The following CDH13 variants were observed in gnomAD, a reference collection of about 807,000 sequenced individuals.
CDH13 encodes the protein cadherin 13.
CDH13 carries 24 observed loss-of-function variants against 63.8 expected under a neutral mutation model. That is an observed-to-expected ratio of 0.38 (90% CI 0.27 to 0.53). The LOEUF (loss-of-function observed/expected upper bound fraction) is 0.53, where lower values mean the gene tolerates loss of function less well. Ranked by LOEUF, CDH13 falls within the 20% of genes least tolerant of loss-of-function variation. CDH13 has a pLI of 0.85. For missense variants in CDH13, 1,049 were observed against 903.1 expected, an observed-to-expected ratio of 1.16 and a Z score of -2.07; for synonymous variants, 503 against 355.3, an observed-to-expected ratio of 1.42 and a Z score of -4.67.
chr16:83,743,209 A>AAAAATAAAAT (rs113675648), intron 10 of CDH13, among the ~76,000 whole-genome samples: 1 of 152,160 alleles, frequency 6.6e-6, no homozygotes, highest in African/African-American at 2.4e-5. Flanking sequence ...CTCCGTCTCA[A>AAAAATAAAAT]AAAATAAAAT....
In CDH13 at chr16:83,232,655, A is replaced by G. The variant is rs557697374; in HGVS notation, c.636+15158A>G. Among the ~76,000 whole-genome samples the G allele has an allele frequency of 8.5e-5, 13 of 152,172 alleles. No individual in the cohort carries two copies. The South Asian group carries it at 2.3e-3, about 27-fold the overall frequency. On this transcript the variant is annotated intron_variant, in intron 5 of 13. Coordinates refer to ENST00000567109, the MANE Select transcript of CDH13 (RefSeq NM_001257.5). ...CCCCTTTGCCTTCCACCATGATTGT[A>G]AGTTTCCTGAGTCCTCCCCAGAAGC...
intron 7 of CDH13, among the ~76,000 whole-genome samples, chr16:83,535,393 G>T (rs1310100121): frequency 6.6e-6 from 1 of 152,222 alleles, no homozygotes; most frequent in Admixed American, 6.5e-5. Flanking sequence ...CATTGTAGAT[G>T]GGCAAAGTAG....
rs1292569327 is a variant in CDH13 at position 83,294,855 on chromosome 16, T to C, written c.637-50007T>C. On this transcript the variant is annotated intron_variant, in intron 5 of 13. Coordinates refer to ENST00000567109, the MANE Select transcript of CDH13 (RefSeq NM_001257.5). ...AATCTATATTAAAATATCAATGACA[T>C]TATTCACAGAACTAGGAAAAATCAT... Among the ~76,000 whole-genome samples, 15 of 152,180 alleles carry C rather than the reference T, an allele frequency of 9.9e-5. No individual in the cohort carries two copies. In the East Asian group the frequency reaches 2.9e-3, roughly 29 times the overall value.
At chr16:82,750,276 C>G (rs1049126744) in intron 1 of CDH13, among the ~76,000 whole-genome samples, 8 of 152,092 alleles carry the variant, frequency 5.3e-5, no homozygotes, top group Non-Finnish European at 1.0e-4. Flanking sequence ...CACATCCTGA[C>G]TAAATGGGTG....
At chr16:82,681,677 C>T (rs1041885537) in intron 1 of CDH13, among the ~76,000 whole-genome samples, 1 of 152,242 alleles carries the variant, frequency 6.6e-6, no homozygotes, top group Non-Finnish European at 1.5e-5. Flanking sequence ...TTTCTGCCAG[C>T]TCAGCTTCCA....
intron 1 of CDH13, among the ~76,000 whole-genome samples, chr16:82,834,556 C>T (rs780440394): frequency 2.6e-5 from 4 of 151,982 alleles, no homozygotes; most frequent in Non-Finnish European, 5.9e-5. Context: ...CCACCCACAG[C>T]CCACAGCCCA....
At chr16:83,542,343 C>T (rs1297148985) in intron 7 of CDH13, among the ~76,000 whole-genome samples, 1 of 152,198 alleles carries the variant, frequency 6.6e-6, no homozygotes, top group African/African-American at 2.4e-5. Flanking sequence ...TGCTCCATCT[C>T]AGTAGTTCTC....
chr16:82,951,468 C>T (rs906594808), intron 2 of CDH13, among the ~76,000 whole-genome samples: 1 of 152,160 alleles, frequency 6.6e-6, no homozygotes, highest in African/African-American at 2.4e-5. Context: ...CCTCCCAAGC[C>T]GAGGACACAG....
intron 8 of CDH13, among the ~76,000 whole-genome samples, chr16:83,618,284 G>T (rs550022535): frequency 6.6e-6 from 1 of 152,184 alleles, no homozygotes; most frequent in African/African-American, 2.4e-5. Context: ...AATTAGCCAG[G>T]CATGGTGGCA....
At chr16:82,795,251 A>G (rs1597609846) in intron 1 of CDH13, among the ~76,000 whole-genome samples, 1 of 152,152 alleles carries the variant, frequency 6.6e-6, no homozygotes, top group Admixed American at 6.5e-5. Context: ...ATGGACATGG[A>G]CAGTTGTCCC....
intron 7 of CDH13, among the ~76,000 whole-genome samples, chr16:83,576,186 G>A (rs1425068288): frequency 6.6e-6 from 1 of 151,980 alleles, no homozygotes; most frequent in South Asian, 2.1e-4. Context: ...CCAGTCCCTG[G>A]CTAAAAACAA....
At chr16:83,489,864 G>T (rs1451159343) in intron 7 of CDH13, among the ~76,000 whole-genome samples, 1 of 152,180 alleles carries the variant, frequency 6.6e-6, no homozygotes, top group Non-Finnish European at 1.5e-5. Context: ...GGACCCTGTG[G>T]ACTTTGAGAT....
intron 1 of CDH13, among the ~76,000 whole-genome samples, chr16:82,760,151 C>T (rs554164885): frequency 8.5e-5 from 13 of 152,218 alleles, no homozygotes; most frequent in African/African-American, 3.1e-4. Context: ...TTTTCCAGAA[C>T]ACCTATTTCA....
intron 13 of CDH13, among the ~76,000 whole-genome samples, chr16:83,792,610 C>T (rs1286110303): frequency 6.6e-6 from 1 of 152,138 alleles, no homozygotes; most frequent in Admixed American, 6.6e-5. Context: ...AAGCGTCCTC[C>T]CATACACAGG....
intron 3 of CDH13, among the ~76,000 whole-genome samples, chr16:83,092,780 C>T (rs1196087615): frequency 6.6e-6 from 1 of 152,174 alleles, no homozygotes; most frequent in Non-Finnish European, 1.5e-5. Flanking sequence ...TATCTAGATT[C>T]ACTCACCAAA....
chr16:83,392,622 T>C (rs1567640037), intron 6 of CDH13, among the ~76,000 whole-genome samples: 2 of 152,144 alleles, frequency 1.3e-5, no homozygotes, highest in Non-Finnish European at 2.9e-5. Context: ...CTCTGAGCAG[T>C]TCCAAGCCCT....
At chr16:82,854,503 C>G (rs2039614213) in intron 1 of CDH13, among the ~76,000 whole-genome samples, 1 of 151,812 alleles carries the variant, frequency 6.6e-6, no homozygotes, top group African/African-American at 2.4e-5. Flanking sequence ...TTGGGGAAGT[C>G]CTAAATTAGC....
chr16:82,766,199 C>T (rs770386885), intron 1 of CDH13, among the ~76,000 whole-genome samples: 4 of 152,130 alleles, frequency 2.6e-5, no homozygotes, highest in African/African-American at 7.2e-5. Context: ...AAGTCTTATT[C>T]GTGAGATGTC....
At chr16:83,039,510 A>G (rs1378764428) in intron 3 of CDH13, among the ~76,000 whole-genome samples, 2 of 151,986 alleles carry the variant, frequency 1.3e-5, no homozygotes, top group Non-Finnish European at 2.9e-5. Context: ...CTTCTTCTCA[A>G]TTTGTAATTA....
Sources: gnomAD v4.1 joint callset for allele counts (sites outside exome capture counted in the v4.1 genomes callset) on GRCh38, gnomAD v4.1.1 for gene constraint, MANE v1.5 for transcripts, NCBI Gene and HGNC (gene_info 2026-07-23, HGNC 2026-07-21) for gene names.